The following BBOF1 variants were observed in gnomAD, a reference collection of about 807,000 sequenced individuals.
BBOF1 encodes basal body-orientation factor 1.
A neutral mutation model predicts 68.0 loss-of-function variants in BBOF1; 62 were observed. The observed-to-expected ratio is 0.91, with a 90% CI of 0.74 to 1.13. BBOF1 has a LOEUF of 1.13. BBOF1 is among the 50% of genes most tolerant of loss of function. BBOF1 has a pLI of 0.00. For missense variants in BBOF1, 534 were observed against 600.1 expected (o/e 0.89, Z 1.15); for synonymous variants, 208 against 198.8 (o/e 1.05, Z -0.39).
intron 3 of BBOF1, among the ~76,000 whole-genome samples, chr14:74,033,395 C>A (rs2059621633): frequency 6.6e-6 from 1 of 151,628 alleles, no homozygotes; most frequent in South Asian, 2.1e-4. Flanking sequence ...TCGTGAAACC[C>A]CATCTCTACT....
Position 74,042,895 on chromosome 14 carries a change from C to G in BBOF1, c.576+2250C>G, listed in dbSNP as rs973970310. On this transcript the variant is annotated intron_variant, in intron 5 of 11. Coordinates refer to ENST00000394009, the MANE Select transcript of BBOF1 (RefSeq NM_025057.3). ...ACACACACAGACACACACACACACACACACACACACACACACTACTGGGAA... is the reference window on the plus strand; with the variant it reads ...ACACACACAGACACACACACACACAGACACACACACACACACTACTGGGAA... 3.6e-3 allele frequency among the ~76,000 whole-genome samples: 540 copies of G among 151,336 alleles called. 4 individuals are homozygous for G. The highest frequency in any genetic ancestry group is 0.012 in the African/African-American group (508 of 41,256).
chr14:74,022,044 G>A (rs1051820732), intron 1 of BBOF1, among the ~76,000 whole-genome samples: 1 of 152,136 alleles, frequency 6.6e-6, no homozygotes, highest in South Asian at 2.1e-4. Flanking sequence ...CCAAAGTCCA[G>A]CACTGAGTGA....
intron 11 of BBOF1, 64 bp from the exon 12 acceptor site, chr14:74,064,624 G>C (rs1333415054): frequency 1.3e-6 from 2 of 1,524,494 alleles, no homozygotes; most frequent in African/African-American, 2.7e-5. Context: ...AAACTTTGTT[G>C]CTTTGAATTA....
intron 2 of BBOF1, among the ~76,000 whole-genome samples, chr14:74,024,713 G>A (rs527604690): frequency 2.6e-5 from 4 of 151,936 alleles, no homozygotes; most frequent in South Asian, 2.1e-4. Context: ...TGATCCACCC[G>A]CGTTGGCCTC....
At chr14:74,037,896 A>G (rs2059745451) in intron 4 of BBOF1, among the ~76,000 whole-genome samples, 2 of 151,690 alleles carry the variant, frequency 1.3e-5, no homozygotes, top group South Asian at 2.1e-4. Flanking sequence ...CGGAGGTTGC[A>G]GTGAGCTGAG....
downstream of BBOF1, among the ~76,000 whole-genome samples, chr14:74,069,804 T>C (rs2060523914): frequency 6.6e-6 from 1 of 151,680 alleles, no homozygotes; most frequent in Non-Finnish European, 1.5e-5. Context: ...TTTCCTTTCA[T>C]GATTTTTCTC....
At chr14:74,037,091 G>A (rs1297553968) in intron 4 of BBOF1, among the ~76,000 whole-genome samples, 1 of 142,974 alleles carries the variant, frequency 7.0e-6, no homozygotes, top group East Asian at 2.1e-4. Context: ...TCCTGCTTCA[G>A]CCTCCTGAGT....
intron 2 of BBOF1, among the ~76,000 whole-genome samples, chr14:74,027,502 A>G (rs1468127523): frequency 6.6e-6 from 1 of 151,356 alleles, no homozygotes; most frequent in African/African-American, 2.4e-5. Context: ...ATCAGTCAAG[A>G]ATCATCAATG....
chr14:74,049,845 AC>A lies in BBOF1; in HGVS notation c.937del (p.Leu313CysfsTer6). 6.2e-7 allele frequency: 1 copy of A among 1,614,152 alleles called. No individual in the cohort carries two copies. The highest frequency in any genetic ancestry group is 8.5e-7 in the Non-Finnish European group (1 of 1,180,018). On this transcript the variant is annotated frameshift_variant, in exon 8 of 12. Transcript: ENST00000394009. LOFTEE classifies it high-confidence loss of function. ...AAGAGTTTGAGAGTGAAGTTTTAAA[AC>A]TGCAGCAACACGCAATGATAGAGAA... is the stretch of plus-strand genomic sequence containing the variant. The part of the protein sequence containing the change: ...TKEFESEVLK[L>X]QQHAMIENQA...
In BBOF1 at chr14:74,071,294, A is replaced by G. The variant is rs772004711; in HGVS notation, n.1380-6902A>G. On this transcript the variant is annotated intron_variant and non_coding_transcript_variant, in intron 9 of 12. Transcript: ENST00000492026. ...ATAGTTGCTCCAGGGACTCGCTCAGATGGTTTCATTAGGAAGGTATTTCCA... is the reference window on the plus strand; with the variant it reads ...ATAGTTGCTCCAGGGACTCGCTCAGGTGGTTTCATTAGGAAGGTATTTCCA... The G allele has an allele frequency of 1.3e-5, 21 of 1,614,054 alleles. 2 individuals carry two copies. The South Asian group carries it at 2.2e-4, about 17-fold the overall frequency.
At chr14:74,036,702 G>T (rs1229412664) in intron 4 of BBOF1, among the ~76,000 whole-genome samples, 4 of 96,540 alleles carry the variant, frequency 4.1e-5, no homozygotes, top group Non-Finnish European at 6.5e-5. Context: ...AAAAAAAAAA[G>T]CTGTCTTTAG....
chr14:74,071,429 C>T, intron 9 of BBOF1: 1 of 1,614,182 alleles, frequency 6.2e-7, no homozygotes, highest in Non-Finnish European at 8.5e-7. Flanking sequence ...AGGTCCATGT[C>T]TTTGGTGATG....
Position 74,050,208 on chromosome 14 carries a change from C to G in BBOF1, c.1286+13C>G. The G allele has an allele frequency of 6.6e-7, 1 of 1,513,940 alleles. No homozygotes were observed. The highest frequency in any genetic ancestry group is 8.8e-7 in the Non-Finnish European group (1 of 1,133,116). 93.8% of individuals were successfully genotyped at this position (1,513,940 alleles called of 1,614,324 possible). A position where few individuals can be genotyped will look rare whatever the true frequency, so the allele number is the denominator to read the frequency against. Reference sequence around the variant, plus strand: ...AGGCCGAAAAATGGTACTAGCAATACTTTATTATTATCTTTTTGCTGCTAT... The same window carrying G: ...AGGCCGAAAAATGGTACTAGCAATAGTTTATTATTATCTTTTTGCTGCTAT... On this transcript the variant is annotated intron_variant, in intron 8 of 11. Coordinates refer to ENST00000394009, the MANE Select transcript of BBOF1 (RefSeq NM_025057.3).
At chr14:74,045,961 C>T (rs1054455643) in intron 5 of BBOF1, 99 bp from the exon 6 acceptor site, 1 of 1,036,108 alleles carries the variant, frequency 9.7e-7, no homozygotes, top group Non-Finnish European at 1.4e-6. Flanking sequence ...GTCATGGGGA[C>T]AGGAGTTTTT....
intron 5 of BBOF1, among the ~76,000 whole-genome samples, chr14:74,043,299 C>T (rs2059870386): frequency 6.6e-6 from 1 of 151,356 alleles, no homozygotes; most frequent in Non-Finnish European, 1.5e-5. Flanking sequence ...GCCTGTAATC[C>T]CAGCACTTTG....
intron 5 of BBOF1, among the ~76,000 whole-genome samples, chr14:74,045,738 A>G (rs576432123): frequency 5.3e-5 from 8 of 152,358 alleles, no homozygotes; most frequent in Admixed American, 1.3e-4. Flanking sequence ...CCTGAGGGCT[A>G]CCATTCCTGA....
At chr14:74,028,246 A>G (rs762186575) in intron 2 of BBOF1, among the ~76,000 whole-genome samples, 5 of 151,976 alleles carry the variant, frequency 3.3e-5, no homozygotes, top group East Asian at 1.9e-4. Flanking sequence ...GCGCATGCCT[A>G]TAGTCCCAGG....
At chr14:74,040,502 A>G (rs184762928) in intron 4 of BBOF1, 63 bp from the exon 5 acceptor site, 19 of 973,174 alleles carry the variant, frequency 2.0e-5, no homozygotes, top group Non-Finnish European at 2.8e-5. Context: ...ATTTTCTGAG[A>G]ATGTGCTCAA....
rs764560796 is a variant in BBOF1, at chr14:74,049,709, A to G, written c.800A>G (p.Asn267Ser). Residue 267 changes from asparagine (N) to serine (S), a missense_variant, in exon 8 of 12, where the codon AAT becomes AGT. Asn to Ser is a conservative substitution (Grantham distance 46). Transcript: ENST00000394009. ...HTLLLHQKEI[N>S]DLLVKEKIMQ... The stretch of plus-strand genomic sequence containing the variant: ...TCATCTTTCTGTTTTTAGGAGATCA[A>G]TGATCTGTTGGTTAAGGAAAAGATT... 39 of 1,596,332 alleles carry G rather than the reference A, an allele frequency of 2.4e-5. No individual in the cohort carries two copies. Among genetic ancestry groups the G allele is most frequent in the South Asian group, 5.6e-5 (5 of 88,698 alleles).
Sources: allele counts gnomAD v4.1 joint callset (sites outside exome capture counted in the v4.1 genomes callset), GRCh38; gene constraint gnomAD v4.1.1; transcripts MANE v1.5; gene names NCBI Gene and HGNC (gene_info 2026-07-23, HGNC 2026-07-21).